Variants in GRIK1 observed in about 807,000 individuals in gnomAD.
The protein encoded by GRIK1 is glutamate ionotropic receptor kainate type subunit 1, also known as glutamate receptor ionotropic, kainate 1.
In GRIK1, 69 loss-of-function variants were observed where a neutral mutation model predicts 105.7. The observed-to-expected ratio is 0.65, with a 90% CI of 0.54 to 0.80. GRIK1 has a LOEUF of 0.80. Among genes scored for constraint, GRIK1 ranks in the 30% least tolerant of loss-of-function variants. The probability of loss-of-function intolerance (pLI) is 0.00; values close to 1 mark genes in which losing one functional copy is unlikely to be tolerated. For missense variants in GRIK1, 1,109 were observed against 1,167.3 expected (o/e 0.95, Z 0.73); for synonymous variants, 438 against 431.3 (o/e 1.02, Z -0.19).
chr21:29,550,982 G>A (rs1601085956), intron 16 of GRIK1, among the ~76,000 whole-genome samples: 1 of 152,076 alleles, frequency 6.6e-6, no homozygotes, highest in East Asian at 1.9e-4. Context: ...TTATTGAGTG[G>A]CTACTATGTG....
chr21:29,613,234 T>C (rs551118861), intron 7 of GRIK1, among the ~76,000 whole-genome samples: 17 of 152,222 alleles, frequency 1.1e-4, no homozygotes, highest in Non-Finnish European at 1.5e-4. Flanking sequence ...TGATTACTCA[T>C]AGAGCAGTTT....
chr21:29,586,011 C>T (rs1318319776), intron 12 of GRIK1, among the ~76,000 whole-genome samples: 1 of 152,178 alleles, frequency 6.6e-6, no homozygotes, highest in Non-Finnish European at 1.5e-5. Context: ...TACTACCGGC[C>T]ATGACAACTA....
At chr21:29,914,246 G>C (rs2070917682) in intron 1 of GRIK1, among the ~76,000 whole-genome samples, 1 of 152,056 alleles carries the variant, frequency 6.6e-6, no homozygotes, top group East Asian at 1.9e-4. Context: ...ATTGCCAGTA[G>C]AGAACCACTG....
rs765040687 is a variant in GRIK1, at chr21:29,939,491, C to T, written c.10G>A (p.Gly4Ser). 1.9e-6 allele frequency: 3 copies of T among 1,575,514 alleles called. No individual in the cohort carries two copies. The highest frequency in any genetic ancestry group is 2.3e-5 in the South Asian group (2 of 87,650). Reference protein sequence around the residue: MEHGTLLAQPGLWT... With the variant: MEHSTLLAQPGLWT... ...AGCCCGGGCTGGGCGAGGAGTGTGCCGTGCTCCATCTTCCTAGCTTCTTAA... is the reference window on the plus strand; with the variant it reads ...AGCCCGGGCTGGGCGAGGAGTGTGCTGTGCTCCATCTTCCTAGCTTCTTAA... Residue 4 changes from glycine (G) to serine (S), a missense_variant, in exon 1 of 18, where the codon GGC (glycine) becomes AGC (serine). Gly to Ser is a moderately conservative substitution (Grantham distance 56). Transcript: ENST00000327783.
At chr21:29,910,298 T>C (rs922415122) in intron 1 of GRIK1, among the ~76,000 whole-genome samples, 4 of 152,144 alleles carry the variant, frequency 2.6e-5, no homozygotes, top group African/African-American at 9.7e-5. Flanking sequence ...AATAAACTTG[T>C]TTTTTGCCCT....
chr21:29,724,704 G>T (rs2064409095), intron 1 of GRIK1, among the ~76,000 whole-genome samples: 1 of 152,120 alleles, frequency 6.6e-6, no homozygotes, highest in South Asian at 2.1e-4. Context: ...TTTCCCCAGT[G>T]GTGTGGAACA....
chr21:29,563,558 G>C (rs1451464149), intron 14 of GRIK1, among the ~76,000 whole-genome samples: 1 of 152,132 alleles, frequency 6.6e-6, no homozygotes, highest in Admixed American at 6.5e-5. Context: ...GCGTGTTTTG[G>C]GGGTCAGGTT....
chr21:29,824,070 G>A (rs9980984), intron 1 of GRIK1, among the ~76,000 whole-genome samples: 48,796 of 151,830 alleles, frequency 0.32, 9,228 homozygotes, highest in East Asian at 0.63. Flanking sequence ...TCTCTGGTGA[G>A]GGGTGGTGGT....
rs541264800 is a variant in GRIK1, at chr21:29,821,577, T to A, written c.118+117806A>T. Among the ~76,000 whole-genome samples, 8 of 152,144 alleles carry A rather than the reference T, an allele frequency of 5.3e-5. No individual in the cohort carries two copies. In the South Asian group the frequency reaches 1.7e-3, roughly 32 times the overall value. On this transcript the variant is annotated intron_variant, in intron 1 of 17. Transcript: ENST00000327783. ...AGGAATCCTCATGGGGAGATATTAG[T>A]GTCACACCATGTTTTAAGCAGATAT...
intron 2 of GRIK1, 24 bp downstream of exon 2, chr21:29,693,872 T>C (rs759226985): frequency 3.8e-6 from 6 of 1,585,158 alleles, no homozygotes; most frequent in Non-Finnish European, 5.2e-6. Flanking sequence ...CCAAAGAAGC[T>C]TTTAAAAGTG....
intron 1 of GRIK1, among the ~76,000 whole-genome samples, chr21:29,858,706 C>T (rs1348673348): frequency 6.6e-6 from 1 of 152,072 alleles, no homozygotes; most frequent in Non-Finnish European, 1.5e-5. Flanking sequence ...TCCTGCCAAG[C>T]CATGCCTGTA....
At chr21:29,700,956 A>G (rs1312852679) in intron 1 of GRIK1, among the ~76,000 whole-genome samples, 1 of 152,234 alleles carries the variant, frequency 6.6e-6, no homozygotes, top group East Asian at 1.9e-4. Context: ...AAAGGAATAT[A>G]TTGTTCTGAC....
intron 1 of GRIK1, among the ~76,000 whole-genome samples, chr21:29,846,461 GAGAGAAAGAAAGAAAGAAAGAAAGAA>G (rs2068121724): frequency 3.1e-5 from 4 of 129,080 alleles, no homozygotes; most frequent in African/African-American, 1.1e-4. Context: ...AGGAAAGAGA[GAGAGAAAGAAAGAAAGAAAGAAAGAA>G]AGAAAGAAAG....
chr21:29,762,830 A>C (rs780616950), intron 1 of GRIK1, among the ~76,000 whole-genome samples: 64 of 152,196 alleles, frequency 4.2e-4, no homozygotes, highest in Non-Finnish European at 7.9e-4. Context: ...AAAATGAATA[A>C]ATTCCTGTCA....
intron 13 of GRIK1, among the ~76,000 whole-genome samples, chr21:29,579,451 T>A (rs563684027): frequency 6.6e-6 from 1 of 152,306 alleles, no homozygotes; most frequent in Admixed American, 6.5e-5. Context: ...GAAGTCTCTT[T>A]AGTGCCTTTT....
chr21:29,734,351 C>CTTTTCTTTTCTTTTCTTTTCTTTTCTTT lies in GRIK1; in HGVS notation c.119-40316_119-40289dup, dbSNP rs1569028391. On this transcript the variant is annotated intron_variant, in intron 1 of 17. Transcript: ENST00000327783. Reference sequence around the variant, plus strand: ...GGATATACTGGATCATAGCACTTTTCTTTTCTTTTCTTTTCTTTTCTTTTC... The same window carrying CTTTTCTTTTCTTTTCTTTTCTTTTCTTT: ...GGATATACTGGATCATAGCACTTTTCTTTTCTTTTCTTTTCTTTTCTTTTCTTTTTTTCTTTTCTTTTCTTTTCTTTTC... Among the ~76,000 whole-genome samples the CTTTTCTTTTCTTTTCTTTTCTTTTCTTT allele has an allele frequency of 9.2e-3, 110 of 11,892 alleles. 1 individual carries two copies. The highest frequency in any genetic ancestry group is 0.02 in the African/African-American group (105 of 5,126). 7.8% of individuals were successfully genotyped at this position (11,892 alleles called of 152,430 possible). A position where few individuals can be genotyped will look rare whatever the true frequency, so the allele number is the denominator to read the frequency against.
chr21:29,780,595 G>A (rs796296049), intron 1 of GRIK1, among the ~76,000 whole-genome samples: 21 of 152,278 alleles, frequency 1.4e-4, no homozygotes, highest in South Asian at 1.0e-3. Context: ...AACAGAAGCC[G>A]TTCAATCAAA....
At chr21:29,744,147 G>A (rs2064994941) in intron 1 of GRIK1, among the ~76,000 whole-genome samples, 1 of 150,668 alleles carries the variant, frequency 6.6e-6, no homozygotes, top group South Asian at 2.1e-4. Flanking sequence ...TCTTGAGGAT[G>A]GATGAGCCAA....
chr21:29,760,375 G>C (rs2065477107), intron 1 of GRIK1: 1 of 152,228 alleles, frequency 6.6e-6, no homozygotes, highest in Non-Finnish European at 1.5e-5. Flanking sequence ...CAGACACAAA[G>C]TGTGACTCAG....
Sources: allele counts gnomAD v4.1 joint callset (sites outside exome capture counted in the v4.1 genomes callset), GRCh38; gene constraint gnomAD v4.1.1; transcripts MANE v1.5; gene names NCBI Gene and HGNC (gene_info 2026-07-23, HGNC 2026-07-21).